The following CNTN5 variants were observed in gnomAD, a reference collection of about 807,000 sequenced individuals.
CNTN5 encodes the protein contactin 5.
A neutral mutation model predicts 129.1 loss-of-function variants in CNTN5; 77 were observed. The ratio of observed to expected loss-of-function variants is 0.60; its 90% CI spans 0.50 to 0.72. The LOEUF (loss-of-function observed/expected upper bound fraction) is 0.72. Ranked by LOEUF, CNTN5 falls within the 30% of genes least tolerant of loss-of-function variation. The probability of loss-of-function intolerance (pLI) is 0.00; values close to 1 mark genes in which losing one functional copy is unlikely to be tolerated. For missense variants in CNTN5, 1,478 were observed against 1,328.8 expected, an observed-to-expected ratio of 1.11 and a Z score of -1.75; for synonymous variants, 509 against 465.6, an observed-to-expected ratio of 1.09 and a Z score of -1.20.
Position 100,222,656 on chromosome 11 carries a change from TA to T in CNTN5, c.1885-2026del, listed in dbSNP as rs951541567. 9.3e-3 allele frequency among the ~76,000 whole-genome samples: 1,329 copies of T among 143,618 alleles called. 22 individuals are homozygous for T. Among genetic ancestry groups the T allele is most frequent in the African/African-American group, 0.031 (1,214 of 38,956 alleles). 94.2% of individuals were successfully genotyped at this position (143,618 alleles called of 152,430 possible). A position where few individuals can be genotyped will look rare whatever the true frequency, so the allele number is the denominator to read the frequency against. ...TGATATTAAAAAACAAGCAAGCAAA[TA>T]AAAAAAAAAGCCACAAAACAACATC... On this transcript the variant is annotated intron_variant, in intron 15 of 24. Transcript: ENST00000524871.
At chr11:99,295,859 G>C (rs79040518) in intron 1 of CNTN5, among the ~76,000 whole-genome samples, 2 of 146,574 alleles carry the variant, frequency 1.4e-5, no homozygotes, top group African/African-American at 5.1e-5. Flanking sequence ...GTCTGGCCTG[G>C]GCGACAGAGC....
At chr11:99,610,230 C>T (rs1296498600) in intron 3 of CNTN5, among the ~76,000 whole-genome samples, 1 of 152,052 alleles carries the variant, frequency 6.6e-6, no homozygotes, top group Non-Finnish European at 1.5e-5. Flanking sequence ...CTAAAATATT[C>T]AGACTGTAGG....
intron 2 of CNTN5, among the ~76,000 whole-genome samples, chr11:99,327,362 C>T (rs1422829377): frequency 6.6e-6 from 1 of 152,094 alleles, no homozygotes; most frequent in Non-Finnish European, 1.5e-5. Flanking sequence ...CAATTACCAA[C>T]CAAATTGTAT....
chr11:99,137,368 G>T (rs753230234), intron 1 of CNTN5, among the ~76,000 whole-genome samples: 1 of 152,074 alleles, frequency 6.6e-6, no homozygotes, highest in African/African-American at 2.4e-5. Context: ...ACTGTTTCTG[G>T]TCTCTCAAAT....
At chr11:99,849,494 C>T (rs1330397213) in intron 6 of CNTN5, among the ~76,000 whole-genome samples, 1 of 151,938 alleles carries the variant, frequency 6.6e-6, no homozygotes, top group Admixed American at 6.6e-5. Flanking sequence ...CTTCCTGCTC[C>T]CAACCCCTTG....
intron 3 of CNTN5, among the ~76,000 whole-genome samples, chr11:99,807,158 AAGATAAT>A (rs1284923008): frequency 6.6e-6 from 1 of 152,196 alleles, no homozygotes; most frequent in East Asian, 1.9e-4. Context: ...AAGTAAAAAA[AAGATAAT>A]AGATCTTAGC....
chr11:99,048,247 G>C (rs1437604228), intron 1 of CNTN5, among the ~76,000 whole-genome samples: 1 of 152,062 alleles, frequency 6.6e-6, no homozygotes, highest in Non-Finnish European at 1.5e-5. Context: ...ACTCAATGGA[G>C]TAACTTTAAG....
intron 2 of CNTN5, among the ~76,000 whole-genome samples, chr11:99,410,684 C>A (rs1172257136): frequency 6.6e-6 from 1 of 152,138 alleles, no homozygotes; most frequent in East Asian, 1.9e-4. Context: ...TTAGAAGGAA[C>A]TTTAAAAGGT....
intron 1 of CNTN5, among the ~76,000 whole-genome samples, chr11:99,281,078 T>C (rs1256395613): frequency 6.6e-6 from 1 of 151,790 alleles, no homozygotes; most frequent in Non-Finnish European, 1.5e-5. Flanking sequence ...AAGATAAATT[T>C]GAAGATATTA....
At chr11:99,451,723 CAT>C (rs1162261811) in intron 2 of CNTN5, among the ~76,000 whole-genome samples, 2 of 152,136 alleles carry the variant, frequency 1.3e-5, no homozygotes, top group Non-Finnish European at 2.9e-5. Context: ...ATCTTTTAAA[CAT>C]AGTACCTAGA....
intron 3 of CNTN5, among the ~76,000 whole-genome samples, chr11:99,719,377 T>G (rs1943091270): frequency 6.6e-6 from 1 of 152,076 alleles, no homozygotes; most frequent in South Asian, 2.1e-4. Context: ...AAGGCCACTC[T>G]TTCCTTAGGA....
At chr11:100,129,671 C>T (rs1022234652) in intron 13 of CNTN5, among the ~76,000 whole-genome samples, 2 of 151,720 alleles carry the variant, frequency 1.3e-5, no homozygotes, top group African/African-American at 4.8e-5. Context: ...GAAATATTTC[C>T]CCAAAAAAAT....
At chr11:99,057,099 ATAACT>A (rs1438630775) in intron 1 of CNTN5, among the ~76,000 whole-genome samples, 2 of 152,094 alleles carry the variant, frequency 1.3e-5, no homozygotes, top group African/African-American at 2.4e-5. Flanking sequence ...CTGGTTACAG[ATAACT>A]TAAATTATGC....
chr11:99,808,429 C>A (rs533332699), intron 3 of CNTN5, among the ~76,000 whole-genome samples: 1 of 152,224 alleles, frequency 6.6e-6, no homozygotes, highest in East Asian at 1.9e-4. Context: ...TGAAAACTCA[C>A]CTAACTTAGC....
At chr11:99,060,751 T>C (rs1864840681) in intron 1 of CNTN5, among the ~76,000 whole-genome samples, 1 of 152,120 alleles carries the variant, frequency 6.6e-6, no homozygotes, top group Non-Finnish European at 1.5e-5. Flanking sequence ...AAAATAAACT[T>C]AGTCTTCTGT....
At chr11:99,142,313 C>T (rs1219773244) in intron 1 of CNTN5, among the ~76,000 whole-genome samples, 6 of 22,540 alleles carry the variant, frequency 2.7e-4, no homozygotes, top group Admixed American at 6.3e-4. Context: ...CTTGTGGTGG[C>T]GAGGTCTGTG....
At chr11:99,363,430 C>A (rs1453028942) in intron 2 of CNTN5, among the ~76,000 whole-genome samples, 1 of 151,978 alleles carries the variant, frequency 6.6e-6, no homozygotes, top group East Asian at 1.9e-4. Context: ...TGTTACAATA[C>A]CAAGTTTATT....
chr11:99,889,329 TGTGTGTGTG>T (rs1565642826), intron 6 of CNTN5, among the ~76,000 whole-genome samples: 5 of 46,354 alleles, frequency 1.1e-4, no homozygotes, highest in African/African-American at 2.7e-4. Flanking sequence ...TGTGTGTGTG[TGTGTGTGTG>T]TGTGTGTGTG....
intron 2 of CNTN5, among the ~76,000 whole-genome samples, chr11:99,465,807 G>C (rs1944909282): frequency 6.6e-6 from 1 of 151,846 alleles, no homozygotes; most frequent in Non-Finnish European, 1.5e-5. Context: ...GAAGGCAAAG[G>C]GGGAAGCAGG....
Sources: gnomAD v4.1 joint callset for allele counts (sites outside exome capture counted in the v4.1 genomes callset) on GRCh38, gnomAD v4.1.1 for gene constraint, MANE v1.5 for transcripts, NCBI Gene and HGNC (gene_info 2026-07-23, HGNC 2026-07-21) for gene names.